TNFSF13B: variants seen among roughly 807,000 people sequenced by gnomAD.
TNFSF13B encodes tumor necrosis factor ligand superfamily member 13B.
TNFSF13B carries 8 observed loss-of-function variants against 29.1 expected under a neutral mutation model. That is an observed-to-expected ratio of 0.27 (90% CI 0.16 to 0.50). The LOEUF (loss-of-function observed/expected upper bound fraction) is 0.50, where lower values mean the gene tolerates loss of function less well. TNFSF13B is among the 20% of genes least tolerant of loss of function. The pLI is 0.98. For synonymous variants in TNFSF13B, 125 were observed against 130.8 expected (o/e 0.96, Z 0.30); for missense variants, 248 against 334.9 (o/e 0.74, Z 2.03).
Position 108,301,315 on chromosome 13 carries a change from G to C in TNFSF13B, c.482-1938G>C, listed in dbSNP as rs1881616327. 5 of 152,218 alleles carry C rather than the reference G, an allele frequency of 3.3e-5. No homozygotes were observed. The South Asian group carries it at 1.0e-3, about 31-fold the overall frequency. 9.4% of individuals were successfully genotyped at this position (152,218 alleles called of 1,614,324 possible). A position where few individuals can be genotyped will look rare whatever the true frequency, so the allele number is the denominator to read the frequency against. On this transcript the variant is annotated intron_variant, in intron 3 of 5. Transcript: ENST00000375887. ...TCAGACAAGATAGGGTGCATTCGGA[G>C]TGGTGTGACCATAGAAGAGATAACT... is the stretch of plus-strand genomic sequence containing the variant.
intron 3 of TNFSF13B, among the ~76,000 whole-genome samples, chr13:108,292,441 G>A (rs916260468): frequency 6.6e-6 from 1 of 152,030 alleles, no homozygotes; most frequent in African/African-American, 2.4e-5. Flanking sequence ...CTTCCTGAGT[G>A]CCTCTTTTCA....
intron 3 of TNFSF13B, among the ~76,000 whole-genome samples, chr13:108,287,417 T>A (rs991704402): frequency 2.6e-5 from 4 of 152,042 alleles, no homozygotes; most frequent in African/African-American, 9.7e-5. Flanking sequence ...AGGTAAAAAA[T>A]AATAAACCTA....
At chr13:108,274,181 T>A (rs932449765) in intron 2 of TNFSF13B, among the ~76,000 whole-genome samples, 5 of 151,748 alleles carry the variant, frequency 3.3e-5, no homozygotes, top group African/African-American at 4.8e-5. Context: ...TGTTAGTAAT[T>A]AAGATTTGGG....
chr13:108,304,206 G>C (rs932110027), intron 5 of TNFSF13B, among the ~76,000 whole-genome samples: 5 of 152,178 alleles, frequency 3.3e-5, no homozygotes, highest in African/African-American at 1.2e-4. Flanking sequence ...GGCCAGGCTT[G>C]AGGGTAAGGG....
intron 2 of TNFSF13B, among the ~76,000 whole-genome samples, chr13:108,280,146 A>G (rs1466433510): frequency 6.6e-6 from 1 of 151,574 alleles, no homozygotes; most frequent in Non-Finnish European, 1.5e-5. Context: ...GTTAAAATGA[A>G]ATGAATGAGA....
At chr13:108,292,807 T>A (rs1881358459) in intron 3 of TNFSF13B, among the ~76,000 whole-genome samples, 1 of 152,162 alleles carries the variant, frequency 6.6e-6, no homozygotes, top group African/African-American at 2.4e-5. Context: ...AACTTCCTTA[T>A]ATATTATGGA....
At chr13:108,306,614 A>G (rs1338961121) in intron 5 of TNFSF13B, among the ~76,000 whole-genome samples, 1 of 151,940 alleles carries the variant, frequency 6.6e-6, no homozygotes, top group Non-Finnish European at 1.5e-5. Flanking sequence ...TGATAAATGC[A>G]TACATATCTG....
intron 3 of TNFSF13B, among the ~76,000 whole-genome samples, chr13:108,295,669 A>G (rs1328893112): frequency 1.4e-5 from 2 of 145,576 alleles, no homozygotes; most frequent in Non-Finnish European, 3.0e-5. Flanking sequence ...AGGCATTTAC[A>G]GTTGTACATT....
intron 2 of TNFSF13B, among the ~76,000 whole-genome samples, chr13:108,273,021 C>T (rs928070950): frequency 3.3e-5 from 5 of 152,090 alleles, no homozygotes; most frequent in Admixed American, 6.6e-5. Flanking sequence ...TGATGAGAAT[C>T]TTTCACCAAA....
At chr13:108,291,548 T>A (rs1297014204) in intron 3 of TNFSF13B, among the ~76,000 whole-genome samples, 1 of 151,950 alleles carries the variant, frequency 6.6e-6, no homozygotes, top group African/African-American at 2.4e-5. Flanking sequence ...TTTTTGTGTA[T>A]AAAAGCCTTG....
chr13:108,291,595 A>G (rs1005029963), intron 3 of TNFSF13B, among the ~76,000 whole-genome samples: 1 of 151,922 alleles, frequency 6.6e-6, no homozygotes, highest in Admixed American at 6.6e-5. Flanking sequence ...TAAAGTTGAA[A>G]TGTTTTCTTT....
At chr13:108,281,549 C>T (rs888949442) in intron 2 of TNFSF13B, among the ~76,000 whole-genome samples, 1 of 152,128 alleles carries the variant, frequency 6.6e-6, no homozygotes, top group Non-Finnish European at 1.5e-5. Flanking sequence ...TCACTGAGAC[C>T]TTTGCTGCCA....
At chr13:108,283,155 G>A (rs1881007398) in intron 2 of TNFSF13B, among the ~76,000 whole-genome samples, 1 of 152,204 alleles carries the variant, frequency 6.6e-6, no homozygotes, top group Non-Finnish European at 1.5e-5. Flanking sequence ...GAGAAAGAAA[G>A]TCTTAAAAGG....
In TNFSF13B at chr13:108,295,742, A is replaced by G; in HGVS notation, c.482-7511A>G. On this transcript the variant is annotated intron_variant, in intron 3 of 5. Coordinates refer to ENST00000375887, the MANE Select transcript of TNFSF13B (RefSeq NM_006573.5). Reference sequence around the variant, plus strand: ...TTGCTATGCTGTGTTTTTATTTTCAATCATCTCAAAGTATTTTCTATTTTC... The same window carrying G: ...TTGCTATGCTGTGTTTTTATTTTCAGTCATCTCAAAGTATTTTCTATTTTC... Among the ~76,000 whole-genome samples, 2 of 145,102 alleles carry G rather than the reference A, an allele frequency of 1.4e-5. 1 individual carries two copies. The highest frequency in any genetic ancestry group is 3.1e-5 in the Non-Finnish European group (2 of 65,378).
chr13:108,302,940 T>G (rs1055396032), intron 3 of TNFSF13B: 9 of 774,042 alleles, frequency 1.2e-5, no homozygotes, highest in Non-Finnish European at 1.4e-5. Flanking sequence ...TCAAACTCTC[T>G]TATCCAGATC....
At chr13:108,277,628 TAGAC>T in intron 2 of TNFSF13B, among the ~76,000 whole-genome samples, 1 of 152,254 alleles carries the variant, frequency 6.6e-6, no homozygotes, top group East Asian at 1.9e-4. Context: ...GCCGAAACCA[TAGAC>T]AGAGCAGCCC....
intron 2 of TNFSF13B, among the ~76,000 whole-genome samples, chr13:108,273,311 G>C (rs908643140): frequency 5.9e-5 from 9 of 151,860 alleles, no homozygotes; most frequent in African/African-American, 2.2e-4. Context: ...GAAGAACTGT[G>C]TATCTTTGAA....
At position 108,269,900 on chromosome 13, in the gene TNFSF13B, A is replaced by T; in HGVS notation, c.5A>T (p.Asp2Val). The T allele has an allele frequency of 6.2e-7, 1 of 1,605,078 alleles. No individual in the cohort carries two copies. The highest frequency in any genetic ancestry group is 8.5e-7 in the Non-Finnish European group (1 of 1,176,504). Residue 2 changes from aspartate to valine, a missense_variant, in exon 1 of 6, where the codon GAT (aspartate) becomes GTT (valine). Physicochemically the swap from Asp to Val is radical, Grantham distance 152. Transcript: ENST00000375887. M[D>V]DSTEREQSRL... is the part of the protein sequence containing the mutation. ...CTTCAAAGTTCAAGTAGTGATATGGATGACTCCACAGAAAGGGAGCAGTCA... is the reference window on the plus strand; with the variant it reads ...CTTCAAAGTTCAAGTAGTGATATGGTTGACTCCACAGAAAGGGAGCAGTCA...
intron 2 of TNFSF13B, among the ~76,000 whole-genome samples, chr13:108,286,352 G>A (rs1055440197): frequency 6.6e-6 from 1 of 150,630 alleles, no homozygotes; most frequent in Non-Finnish European, 1.5e-5. Flanking sequence ...ATACGTATTA[G>A]CATTTTTTTT....
Sources: gnomAD v4.1 joint callset for allele counts (sites outside exome capture counted in the v4.1 genomes callset) on GRCh38, gnomAD v4.1.1 for gene constraint, MANE v1.5 for transcripts, NCBI Gene and HGNC (gene_info 2026-07-23, HGNC 2026-07-21) for gene names.